Variants in NT5C1A observed in about 807,000 individuals in gnomAD.
NT5C1A encodes cytosolic 5'-nucleotidase 1A.
A neutral mutation model predicts 31.0 loss-of-function variants in NT5C1A; 18 were observed. The ratio of observed to expected loss-of-function variants is 0.58; its 90% confidence interval spans 0.40 to 0.86. The LOEUF (loss-of-function observed/expected upper bound fraction) is 0.86. Ranked by LOEUF, NT5C1A falls within the 40% of genes least tolerant of loss-of-function variation. NT5C1A has a pLI of 0.00. For missense variants in NT5C1A, 470 were observed against 505.4 expected (o/e 0.93, Z 0.67); for synonymous variants, 185 against 203.6 (o/e 0.91, Z 0.78).
chr1:39,667,258 G>C (rs1646528701), intron 1 of NT5C1A, among the ~76,000 whole-genome samples: 1 of 144,624 alleles, frequency 6.9e-6, no homozygotes, highest in Admixed American at 7.1e-5. Flanking sequence ...CTGGAGTGCA[G>C]TGGTGTGATC....
chr1:39,663,509 G>A, intron 3 of NT5C1A, 75 bp from the exon 4 acceptor site: 1 of 1,492,416 alleles, frequency 6.7e-7, no homozygotes, highest in Non-Finnish European at 9.2e-7. Context: ...TGTGCCCAGT[G>A]CACACCATCC....
rs1191240878 is a variant in NT5C1A, at chr1:39,655,796, A to AG, written c.*3324dup. 1.3e-5 allele frequency among the ~76,000 whole-genome samples: 2 copies of AG among 152,068 alleles called. No homozygotes were observed. The highest frequency in any genetic ancestry group is 2.9e-5 in the Non-Finnish European group (2 of 68,002). On this transcript the variant is annotated 3_prime_UTR_variant, in exon 6 of 6. Transcript: ENST00000235628. ...GGAAAATGGAGCGCTCACAGTGGAAAGGTCAGCTGAGGCCACGAGGAGACA... is the reference window on the plus strand; with the variant it reads ...GGAAAATGGAGCGCTCACAGTGGAAAGGGTCAGCTGAGGCCACGAGGAGACA...
chr1:39,660,914 G>A (rs570973460), intron 5 of NT5C1A, among the ~76,000 whole-genome samples, 165 bp downstream of exon 5: 1 of 152,102 alleles, frequency 6.6e-6, no homozygotes, highest in Non-Finnish European at 1.5e-5. Flanking sequence ...GCAGGTGGAA[G>A]CTCATTGATG....
intron 1 of NT5C1A, among the ~76,000 whole-genome samples, chr1:39,666,611 C>G (rs1367630755): frequency 6.6e-6 from 1 of 152,134 alleles, no homozygotes; most frequent in Non-Finnish European, 1.5e-5. Flanking sequence ...GAGCTGCATG[C>G]CCTTAGGAAG....
intron 2 of NT5C1A, 48 bp downstream of exon 2, chr1:39,666,021 A>C: frequency 6.4e-7 from 1 of 1,558,870 alleles, no homozygotes; most frequent in Non-Finnish European, 8.7e-7. Context: ...CTTTTTTCTA[A>C]TCCCCACGAA....
chr1:39,663,848 T>C (rs570782999), intron 3 of NT5C1A, among the ~76,000 whole-genome samples: 14 of 152,338 alleles, frequency 9.2e-5, no homozygotes, highest in African/African-American at 3.4e-4. Context: ...GCTGCTGCTC[T>C]GAGCCCATTA....
At chr1:39,669,906 C>T (rs1444178698) in intron 1 of NT5C1A, among the ~76,000 whole-genome samples, 4 of 152,108 alleles carry the variant, frequency 2.6e-5, no homozygotes, top group Non-Finnish European at 5.9e-5. Context: ...CCCAGTTAAT[C>T]CCCTGATGAA....
chr1:39,660,319 C>T (rs954202407), intron 5 of NT5C1A, among the ~76,000 whole-genome samples: 5 of 152,134 alleles, frequency 3.3e-5, no homozygotes, highest in South Asian at 4.1e-4. Flanking sequence ...ATTGAGCTCC[C>T]GGGTTTTTGT....
rs905179784 is a variant in NT5C1A, at chr1:39,655,912, T to C, written c.*3209A>G. Reference sequence around the variant, plus strand: ...GTTTGGCTGTACTGGTGCACACCAATTGAGTGTCATTATAATGCCAAATCC... The same window carrying C: ...GTTTGGCTGTACTGGTGCACACCAACTGAGTGTCATTATAATGCCAAATCC... On this transcript the variant is annotated 3_prime_UTR_variant, in exon 6 of 6. Transcript: ENST00000235628. 2.6e-5 allele frequency among the ~76,000 whole-genome samples: 4 copies of C among 152,202 alleles called. No individual in the cohort carries two copies. The highest frequency in any genetic ancestry group is 7.2e-5 in the African/African-American group (3 of 41,456).
chr1:39,668,927 C>G (rs563741823), intron 1 of NT5C1A, among the ~76,000 whole-genome samples: 76 of 152,318 alleles, frequency 5.0e-4, no homozygotes, highest in African/African-American at 1.7e-3. Flanking sequence ...TGATGAATGA[C>G]CTGTCCAGGC....
At chr1:39,663,528 G>T in intron 3 of NT5C1A, 94 bp from the exon 4 acceptor site, 1 of 1,301,300 alleles carries the variant, frequency 7.7e-7, no homozygotes, top group Non-Finnish European at 1.1e-6. Context: ...CCTAGTTCTG[G>T]GTGTGGTACG....
In NT5C1A at chr1:39,654,353, G is replaced by T. The variant is rs1646449223; in HGVS notation, c.*4768C>A. Among the ~76,000 whole-genome samples the T allele has an allele frequency of 6.6e-6, 1 of 152,218 alleles. No homozygotes were observed. Among genetic ancestry groups the T allele is most frequent in the Admixed American group, 6.5e-5 (1 of 15,276 alleles). ...TTCTTGCTTTCACAGAAAGTACATG[G>T]ATGACCTTGTTGGCTCGGAGCTGCT... is the stretch of plus-strand genomic sequence containing the variant. On this transcript the variant is annotated 3_prime_UTR_variant, in exon 6 of 6. Coordinates refer to ENST00000235628, the MANE Select transcript of NT5C1A (RefSeq NM_032526.3).
At position 39,655,341 on chromosome 1, in the gene NT5C1A, CTGGGTTTCTCAAAACT is replaced by C. The variant is rs1203564788; in HGVS notation, c.*3764_*3779del. 6.6e-6 allele frequency among the ~76,000 whole-genome samples: 1 copy of C among 152,172 alleles called. No homozygotes were observed. Among genetic ancestry groups the C allele is most frequent in the Non-Finnish European group, 1.5e-5 (1 of 68,030 alleles). ...TTAGCCCAAAACAGGGGCCTTCACACTGGGTTTCTCAAAACTTGGGATTGTTTGGAAGTGCTTCTGG... is the reference window on the plus strand; with the variant it reads ...TTAGCCCAAAACAGGGGCCTTCACACTGGGATTGTTTGGAAGTGCTTCTGG... On this transcript the variant is annotated 3_prime_UTR_variant, in exon 6 of 6. Coordinates refer to ENST00000235628, the MANE Select transcript of NT5C1A (RefSeq NM_032526.3).
chr1:39,663,264 G>A, intron 4 of NT5C1A, 48 bp downstream of exon 4: 1 of 1,611,004 alleles, frequency 6.2e-7, no homozygotes. Flanking sequence ...CCACCTCAGG[G>A]ACCCCTTTGC....
chr1:39,666,112 T>A lies in NT5C1A; in HGVS notation c.260A>T (p.Glu87Val). 1 of 1,613,708 alleles carries A rather than the reference T, an allele frequency of 6.2e-7. No individual in the cohort carries two copies. Among genetic ancestry groups the A allele is most frequent in the Non-Finnish European group, 8.5e-7 (1 of 1,179,990 alleles). ...TGGCCCGGGACTGAAGGGTTCGTTC[T>A]CATGTTCCAGCTGGTAGCGCACGTA... ...EEYVRYQLEHENEPFSPGPAF... is the reference protein window; with the variant it reads ...EEYVRYQLEHVNEPFSPGPAF... Residue 87 changes from glutamate to valine, a missense_variant, in exon 2 of 6, where the codon GAG (glutamate) becomes GTG (valine). Glu to Val is a moderately radical substitution (Grantham distance 121). Coordinates refer to ENST00000235628, the MANE Select transcript of NT5C1A (RefSeq NM_032526.3).
chr1:39,664,454 T>C (rs1646508480), intron 3 of NT5C1A, among the ~76,000 whole-genome samples: 2 of 126,892 alleles, frequency 1.6e-5, no homozygotes, highest in South Asian at 6.1e-4. Flanking sequence ...CCAGGTGTAT[T>C]ATTTTTCTGT....
Position 39,655,465 on chromosome 1 carries a change from C to A in NT5C1A, c.*3656G>T, listed in dbSNP as rs1258636645. Among the ~76,000 whole-genome samples the A allele has an allele frequency of 6.6e-6, 1 of 152,138 alleles. No individual in the cohort carries two copies. Among genetic ancestry groups the A allele is most frequent in the Non-Finnish European group, 1.5e-5 (1 of 68,042 alleles). ...ATAAAAGCATGCACTCAAATGTATT[C>A]CAGCATTTCACCATGCAGGAAATCA... On this transcript the variant is annotated 3_prime_UTR_variant, in exon 6 of 6. Transcript: ENST00000235628.
rs1390897351 is a variant in NT5C1A at position 39,656,628 on chromosome 1, T to TG, written c.*2492dup. Among the ~76,000 whole-genome samples, 1 of 152,248 alleles carries TG rather than the reference T, an allele frequency of 6.6e-6. No individual in the cohort carries two copies. Among genetic ancestry groups the TG allele is most frequent in the Non-Finnish European group, 1.5e-5 (1 of 68,042 alleles). On this transcript the variant is annotated 3_prime_UTR_variant, in exon 6 of 6. Coordinates refer to ENST00000235628, the MANE Select transcript of NT5C1A (RefSeq NM_032526.3). The stretch of plus-strand genomic sequence containing the variant: ...ATCAGTGGTGTTCATCACCAGGCCC[T>TG]GGGGGCAAGACCACACAGGTCCCAG...
At position 39,651,621 on chromosome 1, in the gene NT5C1A, T is replaced by A. The variant is rs1646432910; in HGVS notation, c.*7500A>T. 6.6e-6 allele frequency among the ~76,000 whole-genome samples: 1 copy of A among 152,198 alleles called. No individual in the cohort carries two copies. Among genetic ancestry groups the A allele is most frequent in the South Asian group, 2.1e-4 (1 of 4,830 alleles). On this transcript the variant is annotated 3_prime_UTR_variant, in exon 6 of 6. Transcript: ENST00000235628. ...AAGCAAAGGGCTTCTGACAGGTAGA[T>A]ACAAGCACATTATGCACACAGGTTT... is the stretch of plus-strand genomic sequence containing the variant.
Sources: gnomAD v4.1 joint callset for allele counts (sites outside exome capture counted in the v4.1 genomes callset) on GRCh38, gnomAD v4.1.1 for gene constraint, MANE v1.5 for transcripts, NCBI Gene and HGNC (gene_info 2026-07-23, HGNC 2026-07-21) for gene names.